Variants in CNOT6L observed in about 807,000 individuals in gnomAD.
CNOT6L encodes CCR4-NOT transcription complex subunit 6 like.
In CNOT6L, 7 loss-of-function variants were observed where a neutral mutation model predicts 64.0. That is an observed-to-expected ratio of 0.11 (90% CI 0.06 to 0.21). The LOEUF (loss-of-function observed/expected upper bound fraction) is 0.21. CNOT6L is among the 10% of genes least tolerant of loss of function. CNOT6L has a pLI of 1.00. For synonymous variants in CNOT6L, 193 were observed against 243.4 expected (o/e 0.79, Z 1.93); for missense variants, 245 against 669.0 (o/e 0.37, Z 6.99).
chr4:77,806,798 T>G (rs1322294047), intron 1 of CNOT6L, among the ~76,000 whole-genome samples: 1 of 152,166 alleles, frequency 6.6e-6, no homozygotes, highest in Non-Finnish European at 1.5e-5. Context: ...GCCCTAGAAG[T>G]TAACCAGAAA....
Position 77,790,780 on chromosome 4 carries a change from C to T in CNOT6L, c.6-14388G>A, listed in dbSNP as rs528882002. ...TCTCCTGCCTCAGCTTCCCAAGTAG[C>T]CAGAATTACAGGTGCCCACCACTGC... is the stretch of plus-strand genomic sequence containing the variant. On this transcript the variant is annotated intron_variant, in intron 1 of 11. Transcript: ENST00000504123. Among the ~76,000 whole-genome samples the T allele has an allele frequency of 4.0e-5, 6 of 151,100 alleles. No individual in the cohort carries two copies. The East Asian group carries it at 1.2e-3, about 30-fold the overall frequency.
rs375316770 is a variant in CNOT6L at position 77,717,557 on chromosome 4, G to C, written c.*2874C>G. On this transcript the variant is annotated 3_prime_UTR_variant, in exon 12 of 12. Transcript: ENST00000504123. Reference sequence around the variant, plus strand: ...AAAGCTTAACTCATTCTGATAACTAGAAAGTATATGAGCATATATATTTTA... The same window carrying C: ...AAAGCTTAACTCATTCTGATAACTACAAAGTATATGAGCATATATATTTTA... 9.2e-5 allele frequency: 14 copies of C among 152,176 alleles called. No individual in the cohort carries two copies. The highest frequency in any genetic ancestry group is 3.9e-4 in the East Asian group (2 of 5,192). The allele number at this position is 152,176 out of a possible 1,614,324, so 9.4% of individuals were successfully genotyped here.
At chr4:77,784,628 T>C (rs1016041467) in intron 1 of CNOT6L, among the ~76,000 whole-genome samples, 5 of 151,746 alleles carry the variant, frequency 3.3e-5, no homozygotes, top group Admixed American at 6.6e-5. Flanking sequence ...GGACTACAGG[T>C]GCACGCCACC....
At chr4:77,780,833 T>TA (rs1430126184) in intron 1 of CNOT6L, among the ~76,000 whole-genome samples, 1 of 152,204 alleles carries the variant, frequency 6.6e-6, no homozygotes, top group Non-Finnish European at 1.5e-5. Flanking sequence ...CACAGCAGTA[T>TA]ACTCCTGTGG....
chr4:77,754,888 TAAAAAAAAAA>T lies in CNOT6L; in HGVS notation c.490+1964_490+1973del. ...AAAACCTAATTCTAAACATTAGAAG[TAAAAAAAAAA>T]AAAAAAAAAAAAAAACCGGTTTCTA... On this transcript the variant is annotated intron_variant, in intron 5 of 11. Transcript: ENST00000504123. Among the ~76,000 whole-genome samples, 11 of 36,956 alleles carry T rather than the reference TAAAAAAAAAA, an allele frequency of 3.0e-4. 1 individual carries two copies. The East Asian group carries it at 4.5e-3, about 15-fold the overall frequency. 24.2% of individuals were successfully genotyped at this position (36,956 alleles called of 152,430 possible).
rs1720512614 is a variant in CNOT6L at position 77,714,408 on chromosome 4, TAG to T, written c.*6021_*6022del. On this transcript the variant is annotated 3_prime_UTR_variant, in exon 12 of 12. Coordinates refer to ENST00000504123, the MANE Select transcript of CNOT6L (RefSeq NM_144571.3). ...AATTTGACCAACACCCTGGCCCTTA[TAG>T]AGAGAAAAAGTACATACACACTCTC... 7.1e-6 allele frequency: 1 copy of T among 140,310 alleles called. No homozygotes were observed. The highest frequency in any genetic ancestry group is 2.8e-5 in the African/African-American group (1 of 35,484). The allele number at this position is 140,310 out of a possible 1,614,324, so 8.7% of individuals were successfully genotyped here.
At chr4:77,819,469 T>C (rs1578021395), upstream of CNOT6L, 1 of 1,402,684 alleles carries the variant, frequency 7.1e-7, no homozygotes, top group Non-Finnish European at 9.6e-7. Context: ...ACGGCGGGCC[T>C]CGCTCCCGCC....
intron 4 of CNOT6L, among the ~76,000 whole-genome samples, chr4:77,762,547 TAACTC>T (rs1397945396): frequency 4.6e-5 from 7 of 152,164 alleles, no homozygotes. Context: ...ATATAAAAAT[TAACTC>T]AAAACAAACC....
Position 77,760,860 on chromosome 4 carries a change from C to CTTTTTTTTTTTTTTTTTTT in CNOT6L, c.401-3928_401-3910dup, listed in dbSNP as rs754195745. On this transcript the variant is annotated intron_variant, in intron 4 of 11. Coordinates refer to ENST00000504123, the MANE Select transcript of CNOT6L (RefSeq NM_144571.3). ...TACAGGTGCACACCACCATGCCTGG[C>CTTTTTTTTTTTTTTTTTTT]TTTTTTTTTTTTTTTTTTTTTTTTT... Among the ~76,000 whole-genome samples the CTTTTTTTTTTTTTTTTTTT allele has an allele frequency of 1.7e-4, 5 of 29,980 alleles. 2 individuals carry two copies. Among genetic ancestry groups the CTTTTTTTTTTTTTTTTTTT allele is most frequent in the African/African-American group, 2.9e-4 (2 of 7,006 alleles). 19.7% of individuals were successfully genotyped at this position (29,980 alleles called of 152,430 possible).
At chr4:77,807,319 AG>A (rs2110165058) in intron 1 of CNOT6L, among the ~76,000 whole-genome samples, 1 of 150,784 alleles carries the variant, frequency 6.6e-6, no homozygotes, top group South Asian at 2.1e-4. Context: ...CTACAGGGAG[AG>A]GATCTGTTGA....
At chr4:77,749,011 T>TCCC in intron 5 of CNOT6L, among the ~76,000 whole-genome samples, 1 of 152,156 alleles carries the variant, frequency 6.6e-6, no homozygotes, top group Admixed American at 6.5e-5. Flanking sequence ...AACTACCCCC[T>TCCC]TTTCTTTTCC....
chr4:77,772,834 A>T (rs906599497), intron 4 of CNOT6L, among the ~76,000 whole-genome samples: 7 of 152,260 alleles, frequency 4.6e-5, no homozygotes, highest in Middle Eastern at 6.8e-3. Context: ...GAGGCAAGAG[A>T]ATGGCATGAA....
At position 77,742,311 on chromosome 4, in the gene CNOT6L, A is replaced by C; in HGVS notation, c.718-16T>G. The C allele has an allele frequency of 6.2e-7, 1 of 1,602,892 alleles. No homozygotes were observed. Among genetic ancestry groups the C allele is most frequent in the Non-Finnish European group, 8.5e-7 (1 of 1,173,146 alleles). On this transcript the variant is annotated splice_polypyrimidine_tract_variant and intron_variant, in intron 7 of 11. Transcript: ENST00000504123. ...TTTCCACTTCCTGAGATGAAAGAAAAGTTATCATCTATATGACAGAGGGAA... is the reference window on the plus strand; with the variant it reads ...TTTCCACTTCCTGAGATGAAAGAAACGTTATCATCTATATGACAGAGGGAA...
At chr4:77,819,272 CG>C (rs772566082) in intron 1 of CNOT6L, 31 bp downstream of exon 1, 14 of 1,613,468 alleles carry the variant, frequency 8.7e-6, no homozygotes, top group Non-Finnish European at 3.4e-6. Context: ...CCAACACTCT[CG>C]GTCCTACTCG....
rs1036883496 is a variant in CNOT6L at position 77,718,451 on chromosome 4, G to C, written c.*1980C>G. On this transcript the variant is annotated 3_prime_UTR_variant, in exon 12 of 12. Transcript: ENST00000504123. Reference sequence around the variant, plus strand: ...ATATAAGAAGGGAAACCTGCATGTTGAGGAAAATCTGTCATCTTAAGGGTT... The same window carrying C: ...ATATAAGAAGGGAAACCTGCATGTTCAGGAAAATCTGTCATCTTAAGGGTT... 1 of 152,564 alleles carries C rather than the reference G, an allele frequency of 6.6e-6. No homozygotes were observed. The highest frequency in any genetic ancestry group is 1.5e-5 in the Non-Finnish European group (1 of 68,028). The allele number at this position is 152,564 out of a possible 1,614,324, so 9.5% of individuals were successfully genotyped here. A position where few individuals can be genotyped will look rare whatever the true frequency, so the allele number is the denominator to read the frequency against.
chr4:77,733,905 T>G (rs1722692643), intron 8 of CNOT6L, among the ~76,000 whole-genome samples: 1 of 152,142 alleles, frequency 6.6e-6, no homozygotes, highest in African/African-American at 2.4e-5. Context: ...TTACATGATG[T>G]GTGATGTTGT....
At chr4:77,748,060 T>A (rs1259767731) in intron 6 of CNOT6L, among the ~76,000 whole-genome samples, 1 of 151,936 alleles carries the variant, frequency 6.6e-6, no homozygotes, top group Non-Finnish European at 1.5e-5. Context: ...CCCAATACTC[T>A]CTATGAAGAT....
intron 1 of CNOT6L, among the ~76,000 whole-genome samples, chr4:77,803,652 C>A (rs1033722886): frequency 6.6e-6 from 1 of 152,038 alleles, no homozygotes; most frequent in Non-Finnish European, 1.5e-5. Flanking sequence ...GCCTATAATC[C>A]CATCACTTTG....
chr4:77,820,168 G>C (rs1413422827), upstream of CNOT6L, among the ~76,000 whole-genome samples: 3 of 152,174 alleles, frequency 2.0e-5, no homozygotes, highest in Non-Finnish European at 4.4e-5. Context: ...CCGAGGGCCG[G>C]GGGAGAGGCG....
Sources: allele counts gnomAD v4.1 joint callset (sites outside exome capture counted in the v4.1 genomes callset), GRCh38; gene constraint gnomAD v4.1.1; transcripts MANE v1.5; gene names NCBI Gene and HGNC (gene_info 2026-07-23, HGNC 2026-07-21).